The following NTNG1 variants were observed in gnomAD, a reference collection of about 807,000 sequenced individuals.
NTNG1 encodes the protein netrin-G1.
NTNG1 carries 16 observed loss-of-function variants against 54.0 expected under a neutral mutation model. The ratio of observed to expected loss-of-function variants is 0.30; its 90% CI spans 0.20 to 0.45. NTNG1 has a LOEUF of 0.45. NTNG1 is among the 20% of genes least tolerant of loss of function. The pLI, the probability that NTNG1 is intolerant of heterozygous loss-of-function variation, is 1.00. For synonymous variants in NTNG1, 255 were observed against 263.1 expected (o/e 0.97, Z 0.30); for missense variants, 530 against 678.7 (o/e 0.78, Z 2.43).
chr1:107,404,990 A>G (rs924781336), intron 4 of NTNG1, among the ~76,000 whole-genome samples: 3 of 152,134 alleles, frequency 2.0e-5, no homozygotes, highest in African/African-American at 7.2e-5. Context: ...ATGGAATTGC[A>G]TTCATTGATT....
intron 2 of NTNG1, among the ~76,000 whole-genome samples, chr1:107,206,488 C>T (rs1379720520): frequency 1.3e-5 from 2 of 152,054 alleles, no homozygotes; most frequent in Non-Finnish European, 1.5e-5. Flanking sequence ...ACTGGGAGGT[C>T]TTTCTAGGCA....
chr1:107,478,444 A>C (rs1678472756), intron 7 of NTNG1, among the ~76,000 whole-genome samples: 1 of 152,222 alleles, frequency 6.6e-6, no homozygotes, highest in Non-Finnish European at 1.5e-5. Context: ...TGCAGGAAAA[A>C]TATTGAATTT....
intron 2 of NTNG1, among the ~76,000 whole-genome samples, chr1:107,152,239 T>C (rs932225833): frequency 5.9e-5 from 9 of 152,190 alleles, no homozygotes; most frequent in East Asian, 1.9e-4. Flanking sequence ...AACCCTTTTT[T>C]TAGGCTGGGA....
intron 2 of NTNG1, among the ~76,000 whole-genome samples, chr1:107,239,710 A>C (rs138661846): frequency 2.0e-5 from 3 of 152,324 alleles, no homozygotes; most frequent in Non-Finnish European, 4.4e-5. Context: ...AGAAGCCATC[A>C]CTGACTTCTG....
chr1:107,438,083 C>T (rs1379858195), intron 7 of NTNG1, among the ~76,000 whole-genome samples: 1 of 149,074 alleles, frequency 6.7e-6, no homozygotes, highest in Non-Finnish European at 1.5e-5. Context: ...CTGTGTAGAT[C>T]CAATTTCTAT....
At chr1:107,432,156 T>C (rs943099721) in intron 6 of NTNG1, among the ~76,000 whole-genome samples, 2 of 152,202 alleles carry the variant, frequency 1.3e-5, no homozygotes, top group Admixed American at 1.3e-4. Context: ...TGCTAGCTCA[T>C]GGCTGTGTGC....
chr1:107,248,863 G>C (rs1197586138), intron 2 of NTNG1, among the ~76,000 whole-genome samples: 1 of 151,866 alleles, frequency 6.6e-6, no homozygotes, highest in Non-Finnish European at 1.5e-5. Context: ...AAATGTAAAA[G>C]TTAGGCCGGG....
intron 2 of NTNG1, among the ~76,000 whole-genome samples, chr1:107,192,531 A>C (rs1343927442): frequency 2.0e-5 from 3 of 152,068 alleles, no homozygotes; most frequent in African/African-American, 7.2e-5. Context: ...ATTCTTTGCC[A>C]GGTTAACCCC....
intron 3 of NTNG1, among the ~76,000 whole-genome samples, chr1:107,345,500 A>G (rs1345151611): frequency 6.6e-6 from 1 of 152,122 alleles, no homozygotes; most frequent in East Asian, 1.9e-4. Flanking sequence ...GGGAGAGCGG[A>G]TTACTTTGGC....
chr1:107,317,419 G>A (rs976007870), intron 2 of NTNG1, among the ~76,000 whole-genome samples: 20 of 152,090 alleles, frequency 1.3e-4, no homozygotes, highest in African/African-American at 4.8e-4. Context: ...TTACAATAAT[G>A]TTACCTCAGT....
At chr1:107,343,429 A>G (rs1232492439) in intron 3 of NTNG1, among the ~76,000 whole-genome samples, 4 of 152,148 alleles carry the variant, frequency 2.6e-5, no homozygotes, top group African/African-American at 9.7e-5. Flanking sequence ...GAAGATCTTC[A>G]AGCCCACAAT....
intron 2 of NTNG1, among the ~76,000 whole-genome samples, chr1:107,234,909 G>T (rs1472358423): frequency 1.3e-5 from 2 of 152,108 alleles, no homozygotes. Context: ...AGAAAGATGG[G>T]GCAAGACCTC....
chr1:107,187,079 T>C (rs867468437), intron 2 of NTNG1, among the ~76,000 whole-genome samples: 110 of 152,256 alleles, frequency 7.2e-4, no homozygotes, highest in African/African-American at 2.5e-3. Context: ...AAACTACCAG[T>C]CTCTGTTGCC....
At chr1:107,320,642 C>T (rs1054148791) in intron 2 of NTNG1, among the ~76,000 whole-genome samples, 5 of 150,816 alleles carry the variant, frequency 3.3e-5, no homozygotes, top group African/African-American at 1.2e-4. Context: ...ATAAGATTTA[C>T]GGCTTCTTCA....
chr1:107,261,800 A>G (rs560007759), intron 2 of NTNG1, among the ~76,000 whole-genome samples: 15 of 152,286 alleles, frequency 9.8e-5, no homozygotes, highest in South Asian at 4.1e-4. Flanking sequence ...CTGAGATCGC[A>G]CCACTGCACT....
chr1:107,422,517 G>A (rs1353119403), intron 5 of NTNG1, among the ~76,000 whole-genome samples: 2 of 152,064 alleles, frequency 1.3e-5, no homozygotes, highest in African/African-American at 4.8e-5. Flanking sequence ...GCTACCCAAT[G>A]AGGTAGACTT....
At chr1:107,470,054 G>A (rs113393675) in intron 7 of NTNG1, among the ~76,000 whole-genome samples, 19 of 152,198 alleles carry the variant, frequency 1.2e-4, no homozygotes, top group South Asian at 4.2e-4. Context: ...TTTAGCTCAG[G>A]AAGCTCTGAT....
intron 7 of NTNG1, among the ~76,000 whole-genome samples, chr1:107,465,917 A>T (rs1289235310): frequency 1.3e-5 from 2 of 152,212 alleles, no homozygotes; most frequent in African/African-American, 4.8e-5. Flanking sequence ...CCTTTTAATT[A>T]TAACGTGTTA....
chr1:107,216,957 G>A (rs142789107), intron 2 of NTNG1, among the ~76,000 whole-genome samples: 2,163 of 152,170 alleles, frequency 0.014, 29 homozygotes, highest in South Asian at 0.049. Context: ...GATTACAGGC[G>A]TGAGCCACCA....
Sources: allele counts gnomAD v4.1 joint callset (sites outside exome capture counted in the v4.1 genomes callset), GRCh38; gene constraint gnomAD v4.1.1; transcripts MANE v1.5; gene names NCBI Gene and HGNC (gene_info 2026-07-23, HGNC 2026-07-21).